The following EHD3 variants were observed in gnomAD, a reference collection of about 807,000 sequenced individuals.
EHD3 encodes the protein EH domain-containing protein 3.
Under a neutral mutation model 43.0 loss-of-function variants are expected in EHD3, and 17 were observed. The observed-to-expected ratio is 0.40, with a 90% confidence interval of 0.27 to 0.59. The LOEUF (loss-of-function observed/expected upper bound fraction) is 0.59. EHD3 is among the 20% of genes least tolerant of loss of function. The probability of loss-of-function intolerance (pLI) is 0.49; values close to 1 mark genes in which losing one functional copy is unlikely to be tolerated. For synonymous variants in EHD3, 313 were observed against 289.5 expected (o/e 1.08, Z -0.82); for missense variants, 594 against 705.6 (o/e 0.84, Z 1.79).
At position 31,244,313 on chromosome 2, in the gene EHD3, G is replaced by C. The variant is rs997989974; in HGVS notation, c.267G>C (p.Gly89=). ...LEQDFPGMRI[G]PEPTTDSFIA... is the part of the protein sequence containing the mutation. Reference sequence around the variant, plus strand: ...AGGACTTCCCAGGCATGAGGATTGGGCCTGAGCCCACCACAGACTCCTTCA... The same window carrying C: ...AGGACTTCCCAGGCATGAGGATTGGCCCTGAGCCCACCACAGACTCCTTCA... The change falls in exon 2 of 6, where the codon GGG becomes GGC. Residue 89 remains glycine, a synonymous_variant. Coordinates refer to ENST00000322054, the MANE Select transcript of EHD3 (RefSeq NM_014600.3). The C allele has an allele frequency of 6.2e-7, 1 of 1,614,212 alleles. No individual in the cohort carries two copies.
In EHD3 at chr2:31,244,407, C is replaced by T. The variant is rs369633203; in HGVS notation, c.361C>T (p.Pro121Ser). 1.2e-6 allele frequency: 2 copies of T among 1,614,066 alleles called. No homozygotes were observed. Among genetic ancestry groups the T allele is most frequent in the African/African-American group, 2.7e-5 (2 of 74,932 alleles). The change falls in exon 2 of 6, where the codon CCC (proline) becomes TCC (serine). Residue 121 changes from proline (P) to serine (S), a missense_variant. Coordinates refer to ENST00000322054, the MANE Select transcript of EHD3 (RefSeq NM_014600.3). ...CGCCCTGGTGGTGGATCCCAAGAAACCCTTCAGGAAACTCAACGCCTTTGG... is the reference window on the plus strand; with the variant it reads ...CGCCCTGGTGGTGGATCCCAAGAAATCCTTCAGGAAACTCAACGCCTTTGG... ...GNALVVDPKKPFRKLNAFGNA... is the reference protein window; with the variant it reads ...GNALVVDPKKSFRKLNAFGNA...
intron 3 of EHD3, among the ~76,000 whole-genome samples, chr2:31,254,524 G>A (rs562017153): frequency 6.6e-6 from 1 of 152,386 alleles, no homozygotes; most frequent in East Asian, 1.9e-4. Context: ...AGCATCTAAT[G>A]TGGCATTTCT....
chr2:31,245,564 T>G (rs1200740417), intron 2 of EHD3, among the ~76,000 whole-genome samples: 3 of 136,414 alleles, frequency 2.2e-5, no homozygotes, highest in Non-Finnish European at 4.7e-5. Flanking sequence ...TTTTTTTTTT[T>G]TTTTTTTTTT....
In EHD3 at chr2:31,266,718, C is replaced by T. The variant is rs372095794; in HGVS notation, c.*14C>T. On this transcript the variant is annotated 3_prime_UTR_variant, in exon 6 of 6. Transcript: ENST00000322054. The surrounding 1 kb of genome is among the most constrained non-coding windows in gnomAD (Gnocchi z 5.1). ...GTTGCCGAGTGATGGGGTGGGGGGA[C>T]ATTCAGACGGGCAGTGTTAGAGGAG... is the stretch of plus-strand genomic sequence containing the variant. 8.9e-6 allele frequency: 14 copies of T among 1,580,320 alleles called. No homozygotes were observed. In the Admixed American group the frequency reaches 1.2e-4, roughly 13 times the overall value.
intron 3 of EHD3, among the ~76,000 whole-genome samples, chr2:31,250,690 A>G (rs1337654585): frequency 6.6e-6 from 1 of 151,972 alleles, no homozygotes; most frequent in Non-Finnish European, 1.5e-5. Context: ...ATAGCCCACT[A>G]CCCTCTCTGT....
chr2:31,265,748 A>G (rs762730726), intron 5 of EHD3, among the ~76,000 whole-genome samples: 4 of 152,180 alleles, frequency 2.6e-5, no homozygotes, highest in Admixed American at 1.3e-4. Context: ...CAAGTACAGT[A>G]TAACCCTTAT....
At position 31,261,563 on chromosome 2, in the gene EHD3, C is replaced by A; in HGVS notation, c.930C>A (p.Ile310=). 6.2e-7 allele frequency: 1 copy of A among 1,614,226 alleles called. No homozygotes were observed. The highest frequency in any genetic ancestry group is 8.5e-7 in the Non-Finnish European group (1 of 1,180,038). ...RARLAKVHAY[I]ISSLKKEMPS... is the part of the protein sequence containing the mutation. ...CTGTTTGTCAGGTCCACGCCTACAT[C>A]ATCAGCTCTCTGAAGAAGGAGATGC... Residue 310 remains isoleucine, a synonymous_variant, in exon 5 of 6, where the codon ATC becomes ATA. Coordinates refer to ENST00000322054, the MANE Select transcript of EHD3 (RefSeq NM_014600.3).
chr2:31,259,544 C>A (rs1683808466), intron 3 of EHD3, among the ~76,000 whole-genome samples: 1 of 152,152 alleles, frequency 6.6e-6, no homozygotes. Context: ...CAGCTTAGTG[C>A]TAGATAACCA....
At position 31,267,141 on chromosome 2, in the gene EHD3, T is replaced by C. The variant is rs1683969589; in HGVS notation, c.*437T>C. On this transcript the variant is annotated 3_prime_UTR_variant, in exon 6 of 6. Transcript: ENST00000322054. ...TTTTTCTGTGCTTCCCCTATCTGCT[T>C]TGGCTTCCTAATAAGAAATCCATTC... The C allele has an allele frequency of 6.3e-6, 1 of 158,880 alleles. No homozygotes were observed. Among genetic ancestry groups the C allele is most frequent in the South Asian group, 2.0e-4 (1 of 5,102 alleles). The allele number at this position is 158,880 out of a possible 1,614,324, so 9.8% of individuals were successfully genotyped here. A position where few individuals can be genotyped will look rare whatever the true frequency, so the allele number is the denominator to read the frequency against.
intron 3 of EHD3, among the ~76,000 whole-genome samples, chr2:31,257,613 C>T (rs547611857): frequency 2.0e-5 from 3 of 152,276 alleles, no homozygotes; most frequent in African/African-American, 4.8e-5. Flanking sequence ...TGCCTCAGAG[C>T]GTGTCGTGAG....
At chr2:31,244,216 A>C in intron 1 of EHD3, 58 bp from the exon 2 acceptor site, 1 of 1,546,890 alleles carries the variant, frequency 6.5e-7, no homozygotes, top group South Asian at 1.2e-5. Flanking sequence ...TATAGTAGAC[A>C]TGCCGTGTTG....
At chr2:31,265,176 G>C (rs1683924168) in intron 5 of EHD3, among the ~76,000 whole-genome samples, 1 of 152,090 alleles carries the variant, frequency 6.6e-6, no homozygotes, top group Non-Finnish European at 1.5e-5. Flanking sequence ...TTGTTTTACT[G>C]TTAACATTTT....
rs116417209 is a variant in EHD3 at position 31,249,417 on chromosome 2, G to A, written c.451G>A (p.Val151Ile). 778 of 1,614,150 alleles carry A rather than the reference G, an allele frequency of 4.8e-4. 7 individuals carry two copies. In the African/African-American group the frequency reaches 7.4e-3, roughly 15 times the overall value. Residue 151 changes from valine to isoleucine, a missense_variant, in exon 3 of 6, where the codon GTC becomes ATC. Transcript: ENST00000322054. ...TAACCCTGTGCTGGAGAGCATCAGCGTCATCGACACACCAGGGATCCTCTC... is the reference window on the plus strand; with the variant it reads ...TAACCCTGTGCTGGAGAGCATCAGCATCATCGACACACCAGGGATCCTCTC... ...LPNPVLESIS[V>I]IDTPGILSGE...
intron 3 of EHD3, among the ~76,000 whole-genome samples, 176 bp downstream of exon 3, chr2:31,249,644 G>A (rs1683596653): frequency 6.6e-6 from 1 of 152,162 alleles, no homozygotes; most frequent in Non-Finnish European, 1.5e-5. Flanking sequence ...GGTTGGCAGG[G>A]GTCGGGAGAG....
At chr2:31,239,343 T>C (rs1683376210) in intron 1 of EHD3, among the ~76,000 whole-genome samples, 1 of 152,180 alleles carries the variant, frequency 6.6e-6, no homozygotes, top group Non-Finnish European at 1.5e-5. Context: ...AGGGTTCTGA[T>C]CTGCTGGGTC....
At chr2:31,249,742 G>A (rs1201033868) in intron 3 of EHD3, among the ~76,000 whole-genome samples, 1 of 152,098 alleles carries the variant, frequency 6.6e-6, no homozygotes, top group Non-Finnish European at 1.5e-5. Context: ...GTCTTACCTC[G>A]TTGGGTTTAT....
In EHD3 at chr2:31,266,959, C is replaced by T. The variant is rs1348536269; in HGVS notation, c.*255C>T. 7 of 487,454 alleles carry T rather than the reference C, an allele frequency of 1.4e-5. No individual in the cohort carries two copies. Among genetic ancestry groups the T allele is most frequent in the East Asian group, 3.3e-5 (1 of 30,062 alleles). The allele number at this position is 487,454 out of a possible 1,614,324, so 30.2% of individuals were successfully genotyped here. A position where few individuals can be genotyped will look rare whatever the true frequency, so the allele number is the denominator to read the frequency against. ...CCAGAGTCTAAGCCTAAGTCTCTAT[C>T]GCTCTTCCCCTCTCCTCGGCCACTC... On this transcript the variant is annotated 3_prime_UTR_variant, in exon 6 of 6. Coordinates refer to ENST00000322054, the MANE Select transcript of EHD3 (RefSeq NM_014600.3). This position sits in a 1 kb window ranked among gnomAD's most constrained non-coding sequence, Gnocchi z 5.1.
At chr2:31,235,395 C>T (rs1683305081) in intron 1 of EHD3, among the ~76,000 whole-genome samples, 1 of 152,108 alleles carries the variant, frequency 6.6e-6, no homozygotes, top group Non-Finnish European at 1.5e-5. Flanking sequence ...TAAAGCAGAG[C>T]TCCTGTGTAT....
rs146060633 is a variant in EHD3, at chr2:31,261,660, G to A, written c.1027G>A (p.Glu343Lys). Residue 343 changes from glutamate to lysine, a missense_variant, in exon 5 of 6, where the codon GAG becomes AAG. By Grantham distance (56) the Glu-to-Lys change is moderately conservative. Around this residue, in one of 3 missense-constraint regions of EHD3, gnomAD observed 322 missense variants for 348.0 expected, o/e 0.93. Transcript: ENST00000322054. ...NNLAEIYGRIEREHQISPGDF... is the reference protein window; with the variant it reads ...NNLAEIYGRIKREHQISPGDF... Reference sequence around the variant, plus strand: ...CCTGGCCGAGATCTATGGCCGGATCGAGCGGGAGCACCAGATCTCACCTGG... The same window carrying A: ...CCTGGCCGAGATCTATGGCCGGATCAAGCGGGAGCACCAGATCTCACCTGG... 1.0e-4 allele frequency: 163 copies of A among 1,614,102 alleles called. No individual in the cohort carries two copies. Among genetic ancestry groups the A allele is most frequent in the South Asian group, 5.5e-5 (5 of 91,084 alleles).
Sources: allele counts gnomAD v4.1 joint callset (sites outside exome capture counted in the v4.1 genomes callset), GRCh38; gene constraint gnomAD v4.1.1; regional missense constraint gnomAD v4.1.1; non-coding constraint Gnocchi (gnomAD v3.1); transcripts MANE v1.5; gene names NCBI Gene and HGNC (gene_info 2026-07-23, HGNC 2026-07-21).